The following GNG4 variants were observed in gnomAD, a reference collection of about 807,000 sequenced individuals.
The protein encoded by GNG4 is G protein subunit gamma 4.
In GNG4, 4 loss-of-function variants were observed where a neutral mutation model predicts 5.8. The observed-to-expected ratio is 0.69, with a 90% CI of 0.34 to 1.57. The LOEUF is 1.57. Among genes scored for constraint, GNG4 ranks in the 40% most tolerant of loss-of-function variants. The pLI, the probability that GNG4 is intolerant of heterozygous loss-of-function variation, is 0.06. For synonymous variants in GNG4, 29 were observed against 32.9 expected (o/e 0.88, Z 0.41); for missense variants, 96 against 95.1 (o/e 1.01, Z -0.04).
chr1:235,629,591 T>A (rs796429984), intron 1 of GNG4, among the ~76,000 whole-genome samples: 1 of 150,332 alleles, frequency 6.7e-6, no homozygotes, highest in South Asian at 2.1e-4. Context: ...CTTTCTTTTT[T>A]CTTTCTTTCT....
Position 235,648,023 on chromosome 1 carries a change from C to CT in GNG4, c.-123+1638dup, listed in dbSNP as rs535842950. Among the ~76,000 whole-genome samples, 220 of 147,134 alleles carry CT rather than the reference C, an allele frequency of 1.5e-3. 1 individual carries two copies. The highest frequency in any genetic ancestry group is 4.1e-3 in the African/African-American group (165 of 40,336). ...AACTGTAAAGTGAATCTAGGAAAAG[C>CT]TTTTTTTTTTTCTGGTTTCTCCACC... is the stretch of plus-strand genomic sequence containing the variant. On this transcript the variant is annotated intron_variant, in intron 1 of 3. Transcript: ENST00000391854. This position sits in a 1 kb window ranked among gnomAD's most constrained non-coding sequence, Gnocchi z 5.0.
rs146760141 is a variant in GNG4, at chr1:235,564,517, G to A, written c.100-12280C>T. Among the ~76,000 whole-genome samples, 723 of 152,060 alleles carry A rather than the reference G, an allele frequency of 4.8e-3. 3 individuals carry two copies. Among genetic ancestry groups the A allele is most frequent in the Middle Eastern group, 0.01 (3 of 294 alleles). Reference sequence around the variant, plus strand: ...TCTGTTATTTGTAATAAAGACTCTTGGACTGACAGGTTGCCATATTTATAC... The same window carrying A: ...TCTGTTATTTGTAATAAAGACTCTTAGACTGACAGGTTGCCATATTTATAC... On this transcript the variant is annotated intron_variant, in intron 3 of 3. Transcript: ENST00000391854.
chr1:235,580,765 T>TC (rs1553366625), intron 3 of GNG4, among the ~76,000 whole-genome samples: 4 of 149,744 alleles, frequency 2.7e-5, no homozygotes, highest in African/African-American at 4.9e-5. Flanking sequence ...TTTTTTTTTT[T>TC]CCTGAGATGG....
In GNG4 at chr1:235,597,614, G is replaced by A. The variant is rs1238906167; in HGVS notation, c.-122-2103C>T. Among the ~76,000 whole-genome samples the A allele has an allele frequency of 5.5e-5, 6 of 108,924 alleles. No individual in the cohort carries two copies. In the South Asian group the frequency reaches 7.9e-4, roughly 14 times the overall value. The allele number at this position is 108,924 out of a possible 152,430, so 71.5% of individuals were successfully genotyped here. A position where few individuals can be genotyped will look rare whatever the true frequency, so the allele number is the denominator to read the frequency against. The stretch of plus-strand genomic sequence containing the variant: ...TGTGTGTGTGTGTGTGTGTGTGTGT[G>A]TGTGTGTGTGTGTGTATTTTTTTTT... On this transcript the variant is annotated intron_variant, in intron 1 of 3. Coordinates refer to ENST00000391854, the MANE Select transcript of GNG4 (RefSeq NM_001098722.2).
intron 2 of GNG4, among the ~76,000 whole-genome samples, chr1:235,587,854 T>C (rs548371422): frequency 4.4e-4 from 62 of 139,754 alleles, no homozygotes; most frequent in African/African-American, 1.6e-3. Flanking sequence ...TGTGTGTAAG[T>C]GTATGGAGTG....
intron 1 of GNG4, among the ~76,000 whole-genome samples, chr1:235,616,876 T>C (rs924337019): frequency 1.3e-5 from 2 of 151,060 alleles, no homozygotes; most frequent in African/African-American, 2.4e-5. Context: ...GTAGCAGGGA[T>C]TACAGGCACC....
At chr1:235,593,721 G>A (rs1453401625) in intron 2 of GNG4, among the ~76,000 whole-genome samples, 3 of 152,096 alleles carry the variant, frequency 2.0e-5, no homozygotes, top group African/African-American at 7.2e-5. Context: ...AGAGCTTCAC[G>A]GTGAGTGTTA....
intron 3 of GNG4, among the ~76,000 whole-genome samples, chr1:235,568,289 T>TCCTTCAGTG (rs1163104417): frequency 1.3e-5 from 2 of 152,058 alleles, no homozygotes; most frequent in East Asian, 3.9e-4. Context: ...ATCAAGCCCA[T>TCCTTCAGTG]CCTTCAGTGC....
chr1:235,552,820 G>T (rs1452112027), intron 3 of GNG4, among the ~76,000 whole-genome samples: 2 of 152,000 alleles, frequency 1.3e-5, no homozygotes, highest in East Asian at 3.9e-4. Flanking sequence ...AGAGTGTGGT[G>T]GCGTGATCTC....
intron 1 of GNG4, among the ~76,000 whole-genome samples, chr1:235,624,998 A>T (rs1484913766): frequency 6.6e-6 from 1 of 152,166 alleles, no homozygotes; most frequent in Admixed American, 6.6e-5. Context: ...CCTGCTGAGG[A>T]CCCACACTGA....
chr1:235,587,293 GGTGTGT>G (rs1373254944), intron 2 of GNG4, among the ~76,000 whole-genome samples: 11 of 86,784 alleles, frequency 1.3e-4, no homozygotes, highest in Non-Finnish European at 1.7e-4. Flanking sequence ...TGTGGGTTGG[GGTGTGT>G]GTGAGGGTGA....
intron 2 of GNG4, among the ~76,000 whole-genome samples, chr1:235,594,646 CTGCCCG>C (rs1439866172): frequency 9.2e-5 from 14 of 152,234 alleles, no homozygotes; most frequent in Admixed American, 2.0e-4. Flanking sequence ...AAGCCCCTCA[CTGCCCG>C]GGGCTTGCGG....
chr1:235,631,857 C>T (rs535120565), intron 1 of GNG4, among the ~76,000 whole-genome samples: 73 of 152,020 alleles, frequency 4.8e-4, no homozygotes, highest in African/African-American at 1.6e-3. Context: ...CATGAGCCAC[C>T]GCGCCTGGCC....
intron 3 of GNG4, among the ~76,000 whole-genome samples, chr1:235,560,505 T>A (rs1687030245): frequency 6.6e-6 from 1 of 152,168 alleles, no homozygotes; most frequent in African/African-American, 2.4e-5. Context: ...TTTCTGTGCA[T>A]CATAAATTAC....
intron 1 of GNG4, among the ~76,000 whole-genome samples, chr1:235,601,162 A>G (rs563011431): frequency 6.6e-6 from 1 of 152,314 alleles, no homozygotes; most frequent in Admixed American, 6.5e-5. Flanking sequence ...TGATACAGGG[A>G]AGGTGTCTAA....
At position 235,549,390 on chromosome 1, in the gene GNG4, C is replaced by A. The variant is rs1255830346; in HGVS notation, c.*2719G>T. On this transcript the variant is annotated 3_prime_UTR_variant, in exon 4 of 4. Transcript: ENST00000391854. ...AAAACGGAGGCTGAATCTGGAGGGA[C>A]GGGGCATGTAAAAACAACAGGGAGA... The A allele has an allele frequency of 2.0e-5, 3 of 152,174 alleles. No homozygotes were observed. The highest frequency in any genetic ancestry group is 4.4e-5 in the Non-Finnish European group (3 of 68,148). The allele number at this position is 152,174 out of a possible 1,614,324, so 9.4% of individuals were successfully genotyped here.
intron 1 of GNG4, among the ~76,000 whole-genome samples, chr1:235,631,287 G>A (rs1000233129): frequency 6.6e-6 from 1 of 152,184 alleles, no homozygotes; most frequent in African/African-American, 2.4e-5. Context: ...CGCCCCCTCA[G>A]TGGAGCCCTG....
At chr1:235,589,983 C>A (rs771330516) in intron 2 of GNG4, among the ~76,000 whole-genome samples, 4 of 152,152 alleles carry the variant, frequency 2.6e-5, no homozygotes, top group Non-Finnish European at 5.9e-5. Context: ...CAGTAGACCG[C>A]TCCCCTCCCC....
intron 2 of GNG4, among the ~76,000 whole-genome samples, chr1:235,593,525 C>A (rs576346892): frequency 6.6e-6 from 1 of 152,308 alleles, no homozygotes; most frequent in South Asian, 2.1e-4. Flanking sequence ...CAGCTGGGTC[C>A]GGAATTGGTG....
Sources: allele counts gnomAD v4.1 joint callset (sites outside exome capture counted in the v4.1 genomes callset), GRCh38; gene constraint gnomAD v4.1.1; non-coding constraint Gnocchi (gnomAD v3.1); transcripts MANE v1.5; gene names NCBI Gene and HGNC (gene_info 2026-07-23, HGNC 2026-07-21).